Variants in FCN1 observed in about 807,000 individuals in gnomAD.
FCN1 encodes the protein ficolin 1.
FCN1 carries 42 observed loss-of-function variants against 35.6 expected under a neutral mutation model. The observed-to-expected ratio is 1.18, with a 90% CI of 0.92 to 1.53. FCN1 has a LOEUF of 1.53. Ranked by LOEUF, FCN1 falls within the 40% of genes most tolerant of loss-of-function variation. The probability of loss-of-function intolerance (pLI) is 0.00; values close to 1 mark genes in which losing one functional copy is unlikely to be tolerated. For missense variants in FCN1, 439 were observed against 428.4 expected (o/e 1.02, Z -0.22); for synonymous variants, 179 against 169.8 (o/e 1.05, Z -0.42).
At position 134,914,796 on chromosome 9, in the gene FCN1, G is replaced by A; in HGVS notation, c.231C>T (p.Leu77=). The change falls in exon 3 of 9, where the codon CTC becomes CTT. Residue 77 remains leucine (L), a synonymous_variant. Coordinates refer to ENST00000371806, the MANE Select transcript of FCN1 (RefSeq NM_002003.5). ...GTCCTGCCTTTCCAGGGGCTCCAGG[G>A]AGACCGCGTTCTCCTGAAAATTCCA... ...GVIGERGERG[L]PGAPGKAGPV... The A allele has an allele frequency of 1.2e-6, 2 of 1,612,482 alleles. No homozygotes were observed. The highest frequency in any genetic ancestry group is 1.7e-6 in the Non-Finnish European group (2 of 1,179,074).
chr9:134,913,622 G>T lies in FCN1; in HGVS notation c.308-9C>A. The stretch of plus-strand genomic sequence containing the variant: ...AGACTGCCCAGCGTCTCCTGTGTGG[G>T]GAGAGGAGACACTTGTCATAAGCTT... On this transcript the variant is annotated splice_polypyrimidine_tract_variant and intron_variant, in intron 4 of 8. Transcript: ENST00000371806. The T allele has an allele frequency of 6.2e-7, 1 of 1,600,892 alleles. No homozygotes were observed. The highest frequency in any genetic ancestry group is 8.5e-7 in the Non-Finnish European group (1 of 1,172,032).
chr9:134,911,093 C>T (rs1831016793), intron 8 of FCN1, 40 bp downstream of exon 8: 1 of 1,610,082 alleles, frequency 6.2e-7, no homozygotes, highest in Non-Finnish European at 8.5e-7. Context: ...CTCTGCTTTC[C>T]AAGCCCCACT....
In FCN1 at chr9:134,916,588, G is replaced by A. The variant is rs1447205977; in HGVS notation, c.104-127C>T. 4 of 927,588 alleles carry A rather than the reference G, an allele frequency of 4.3e-6. 1 individual carries two copies. The African/African-American group carries it at 4.9e-5, about 11-fold the overall frequency. 57.5% of individuals were successfully genotyped at this position (927,588 alleles called of 1,614,324 possible). On this transcript the variant is annotated intron_variant, in intron 1 of 8. Coordinates refer to ENST00000371806, the MANE Select transcript of FCN1 (RefSeq NM_002003.5). ...GCACTGGTGAGGCGGAGATGTGATGGGGGGCAGAGCTCTGGCTTTGGAGGC... is the reference window on the plus strand; with the variant it reads ...GCACTGGTGAGGCGGAGATGTGATGAGGGGCAGAGCTCTGGCTTTGGAGGC...
At position 134,917,762 on chromosome 9, in the gene FCN1, G is replaced by C; in HGVS notation, c.103+7C>G. 1 of 1,603,916 alleles carries C rather than the reference G, an allele frequency of 6.2e-7. No homozygotes were observed. The highest frequency in any genetic ancestry group is 8.5e-7 in the Non-Finnish European group (1 of 1,170,748). The stretch of plus-strand genomic sequence containing the variant: ...TTTAGGGACCAGAAAACCCAGGTCT[G>C]TCTCACCTGGACATGTGTCCGCAGC... On this transcript the variant is annotated splice_region_variant and intron_variant, in intron 1 of 8. Coordinates refer to ENST00000371806, the MANE Select transcript of FCN1 (RefSeq NM_002003.5).
In FCN1 at chr9:134,909,347, G is replaced by T. The variant is rs1432533617; in HGVS notation, c.*451C>A. 2 of 1,289,242 alleles carry T rather than the reference G, an allele frequency of 1.6e-6. No homozygotes were observed. The highest frequency in any genetic ancestry group is 1.2e-5 in the South Asian group (1 of 81,000). The allele number at this position is 1,289,242 out of a possible 1,614,324, so 79.9% of individuals were successfully genotyped here. ...GTGTGAAGTGTTGTGAGTGAGGCAT[G>T]GGGGGATGGGGGAGGCTTGGGGGTG... On this transcript the variant is annotated 3_prime_UTR_variant, in exon 9 of 9. Transcript: ENST00000371806.
intron 8 of FCN1, among the ~76,000 whole-genome samples, chr9:134,910,860 G>A (rs1044192545): frequency 6.6e-6 from 1 of 152,234 alleles, no homozygotes; most frequent in African/African-American, 2.4e-5. Context: ...CATGAGAAAA[G>A]GACGACGTCT....
rs568818745 is a variant in FCN1, at chr9:134,914,355, G to T, written c.307+30C>A. 91 of 1,609,908 alleles carry T rather than the reference G, an allele frequency of 5.7e-5. No individual in the cohort carries two copies. The South Asian group carries it at 9.3e-4, about 17-fold the overall frequency. ...CCCTCCCCTGGACAAAGCCTGCAGA[G>T]ACAACTGCCTGGGCCCACGGGTGGC... On this transcript the variant is annotated intron_variant, in intron 4 of 8. Coordinates refer to ENST00000371806, the MANE Select transcript of FCN1 (RefSeq NM_002003.5).
At position 134,911,306 on chromosome 9, in the gene FCN1, C is replaced by A. The variant is rs373938148; in HGVS notation, c.599-39G>T. The stretch of plus-strand genomic sequence containing the variant: ...ATTTTAAGGCCCCAGCCTTTAAGAT[C>A]TTTCTGTCACCAGGCATGAGGGCTG... On this transcript the variant is annotated intron_variant, in intron 7 of 8. Coordinates refer to ENST00000371806, the MANE Select transcript of FCN1 (RefSeq NM_002003.5). The A allele has an allele frequency of 1.7e-4, 273 of 1,578,402 alleles. 1 individual carries two copies. The African/African-American group carries it at 2.9e-3, about 17-fold the overall frequency.
chr9:134,917,697 TG>T, intron 1 of FCN1, 71 bp downstream of exon 1: 1 of 960,124 alleles, frequency 1.0e-6, no homozygotes. Flanking sequence ...AGGTTTTGCC[TG>T]GGACACCCGA....
chr9:134,916,229 C>A, intron 2 of FCN1, 119 bp downstream of exon 2: 2 of 803,328 alleles, frequency 2.5e-6, no homozygotes, highest in Non-Finnish European at 4.3e-6. Context: ...AGGGGCCTGA[C>A]CCAGGCTCTT....
intron 7 of FCN1, among the ~76,000 whole-genome samples, chr9:134,911,795 C>T (rs890095564): frequency 2.6e-5 from 4 of 152,228 alleles, no homozygotes; most frequent in Non-Finnish European, 5.9e-5. Context: ...TTTCAGAGAA[C>T]TGAACATGCC....
rs145205144 is a variant in FCN1, at chr9:134,916,997, C to A, written c.104-536G>T. On this transcript the variant is annotated intron_variant, in intron 1 of 8. Transcript: ENST00000371806. ...CACAGAGCCAGGTGTGGCACAGCTG[C>A]AGCCAAACCAAAGTTGTTTACTTCT... Among the ~76,000 whole-genome samples, 230 of 152,320 alleles carry A rather than the reference C, an allele frequency of 1.5e-3. 2 individuals carry two copies. In the South Asian group the frequency reaches 0.016, roughly 11 times the overall value.
chr9:134,912,707 T>C, intron 6 of FCN1, 92 bp from the exon 7 acceptor site: 1 of 1,552,882 alleles, frequency 6.4e-7, no homozygotes, highest in Non-Finnish European at 8.8e-7. Context: ...CATTTGTAGT[T>C]GGCAGAGCAT....
intron 1 of FCN1, among the ~76,000 whole-genome samples, chr9:134,916,956 G>A (rs2118945762): frequency 6.6e-6 from 1 of 152,366 alleles, no homozygotes. Flanking sequence ...GAGAGGGGCA[G>A]TGTGGGGTCC....
Position 134,905,815 on chromosome 9 carries a change from CT to C in FCN1, c.*3982del. 1.7e-5 allele frequency: 1 copy of C among 59,682 alleles called. No individual in the cohort carries two copies. The highest frequency in any genetic ancestry group is 1.8e-4 in the African/African-American group (1 of 5,574). 3.7% of individuals were successfully genotyped at this position (59,682 alleles called of 1,614,324 possible). On this transcript the variant is annotated 3_prime_UTR_variant, in exon 9 of 9. Coordinates refer to ENST00000371806, the MANE Select transcript of FCN1 (RefSeq NM_002003.5). ...GCTGCTTCTTCTTCTTCTTCCTCTTCTTCTTCTTCTTCCTCTTCCTCTTCCT... is the reference window on the plus strand; with the variant it reads ...GCTGCTTCTTCTTCTTCTTCCTCTTCTCTTCTTCTTCCTCTTCCTCTTCCT...
At position 134,909,638 on chromosome 9, in the gene FCN1, G is replaced by T. The variant is rs1830995606; in HGVS notation, c.*160C>A. The T allele has an allele frequency of 1.3e-6, 2 of 1,587,794 alleles. No homozygotes were observed. Among genetic ancestry groups the T allele is most frequent in the Non-Finnish European group, 1.7e-6 (2 of 1,173,572 alleles). On this transcript the variant is annotated 3_prime_UTR_variant, in exon 9 of 9. Transcript: ENST00000371806. ...GAAACATAATTCTCCCTCTGGTGAG[G>T]TTGTGGGCATGTGGCGGCTTGACTG...
chr9:134,916,399 G>T lies in FCN1; in HGVS notation c.166C>A (p.Leu56Met). 3 of 1,614,190 alleles carry T rather than the reference G, an allele frequency of 1.9e-6. No homozygotes were observed. The highest frequency in any genetic ancestry group is 8.5e-7 in the Non-Finnish European group (1 of 1,180,032). ...KLTILRGCPG[L>M]PGAPGPKGEA... Reference sequence around the variant, plus strand: ...CCCTTTGGCCCTGGGGCCCCGGGCAGCCCCGGGCAGCCTCGGAGAATGGTG... The same window carrying T: ...CCCTTTGGCCCTGGGGCCCCGGGCATCCCCGGGCAGCCTCGGAGAATGGTG... The change falls in exon 2 of 9, where the codon CTG (leucine) becomes ATG (methionine). Residue 56 changes from leucine (L) to methionine (M), a missense_variant. Leu to Met is a conservative substitution (Grantham distance 15). Coordinates refer to ENST00000371806, the MANE Select transcript of FCN1 (RefSeq NM_002003.5).
intron 4 of FCN1, 116 bp from the exon 5 acceptor site, chr9:134,913,729 G>A (rs2118940100): frequency 5.5e-6 from 4 of 726,668 alleles, no homozygotes; most frequent in Non-Finnish European, 8.9e-6. Context: ...CTCCTCTGAT[G>A]TCTCCAGGAC....
In FCN1 at chr9:134,909,644, G is replaced by A. The variant is rs745693633; in HGVS notation, c.*154C>T. On this transcript the variant is annotated 3_prime_UTR_variant, in exon 9 of 9. Transcript: ENST00000371806. ...TAATTCTCCCTCTGGTGAGGTTGTG[G>A]GCATGTGGCGGCTTGACTGAGCTGG... 501 of 1,589,912 alleles carry A rather than the reference G, an allele frequency of 3.2e-4. No individual in the cohort carries two copies. Among genetic ancestry groups the A allele is most frequent in the Non-Finnish European group, 4.1e-4 (485 of 1,174,860 alleles).
Sources: gnomAD v4.1 joint callset for allele counts (sites outside exome capture counted in the v4.1 genomes callset) on GRCh38, gnomAD v4.1.1 for gene constraint, MANE v1.5 for transcripts, NCBI Gene and HGNC (gene_info 2026-07-23, HGNC 2026-07-21) for gene names.